EPOR: variants seen among roughly 807,000 people sequenced by gnomAD.
The protein encoded by EPOR is erythropoietin receptor.
EPOR carries 20 observed loss-of-function variants against 34.3 expected under a neutral mutation model. That is an observed-to-expected ratio of 0.58 (90% CI 0.41 to 0.85). EPOR has a LOEUF of 0.85. Among genes scored for constraint, EPOR ranks in the 40% least tolerant of loss-of-function variants. EPOR has a pLI of 0.00. For synonymous variants in EPOR, 312 were observed against 299.0 expected, an observed-to-expected ratio of 1.04 and a Z score of -0.45; for missense variants, 601 against 672.7, an observed-to-expected ratio of 0.89 and a Z score of 1.18.
At position 11,380,983 on chromosome 19, in the gene EPOR, G is replaced by A. The variant is rs1370301071; in HGVS notation, c.740-12C>T. ...GAGGGGGTCCAGGTCTAAGAGGCGG[G>A]GAGGAGGTCAGGGCGGTGGGCTTGC... On this transcript the variant is annotated splice_polypyrimidine_tract_variant and intron_variant, in intron 5 of 7. Coordinates refer to ENST00000222139, the MANE Select transcript of EPOR (RefSeq NM_000121.4). 1.9e-6 allele frequency: 3 copies of A among 1,553,328 alleles called. No homozygotes were observed. Among genetic ancestry groups the A allele is most frequent in the Non-Finnish European group, 8.7e-7 (1 of 1,147,756 alleles).
Position 11,378,860 on chromosome 19 carries a change from G to T in EPOR, c.828-82C>A. ...TCCCCCTCCACTCCCAGTCATAGAG[G>T]CACAGATACACTTGGTCCCTGTGAT... On this transcript the variant is annotated intron_variant, in intron 6 of 7. Transcript: ENST00000222139. The surrounding 1 kb of genome is among the most constrained non-coding windows in gnomAD (Gnocchi z 5.3). 7.4e-7 allele frequency: 1 copy of T among 1,347,162 alleles called. No individual in the cohort carries two copies. The highest frequency in any genetic ancestry group is 1.0e-6 in the Non-Finnish European group (1 of 952,856). The allele number at this position is 1,347,162 out of a possible 1,614,324, so 83.5% of individuals were successfully genotyped here.
Position 11,378,534 on chromosome 19 carries a change from T to A in EPOR, c.977A>T (p.Asp326Val). The A allele has an allele frequency of 6.2e-7, 1 of 1,614,072 alleles. No homozygotes were observed. Among genetic ancestry groups the A allele is most frequent in the South Asian group, 1.1e-5 (1 of 91,070 alleles). ...GAGGACTTCCAGGGAAGCAGGTGGGTCCTCCGTGAAGGGGGTGCAGGGGCT... is the reference window on the plus strand; with the variant it reads ...GAGGACTTCCAGGGAAGCAGGTGGGACCTCCGTGAAGGGGGTGCAGGGGCT... ...WWSPCTPFTE[D>V]PPASLEVLSE... Residue 326 changes from aspartate to valine, a missense_variant, in exon 8 of 8, where the codon GAC becomes GTC. Asp to Val is a radical substitution (Grantham distance 152). Transcript: ENST00000222139. This position sits in a 1 kb window ranked among gnomAD's most constrained non-coding sequence, Gnocchi z 5.3.
intron 6 of EPOR, among the ~76,000 whole-genome samples, chr19:11,379,141 CAT>C (rs1224195175): frequency 6.6e-6 from 1 of 152,042 alleles, no homozygotes; most frequent in Non-Finnish European, 1.5e-5. Context: ...GCCTAGGAAA[CAT>C]AGTGAGACCC....
chr19:11,379,883 T>C (rs570411222), intron 6 of EPOR, among the ~76,000 whole-genome samples: 205 of 152,308 alleles, frequency 1.3e-3, no homozygotes, highest in African/African-American at 4.8e-3. Context: ...GTATTTTTAG[T>C]AGAGGTGGGG....
At position 11,378,752 on chromosome 19, in the gene EPOR, C is replaced by A. The variant is rs756329208; in HGVS notation, c.854G>T (p.Gly285Val). The change falls in exon 7 of 8, where the codon GGC becomes GTC. Residue 285 changes from glycine to valine, a missense_variant. By Grantham distance (109) the Gly-to-Val change is moderately radical. Coordinates refer to ENST00000222139, the MANE Select transcript of EPOR (RefSeq NM_000121.4). The surrounding 1 kb of genome is among the most constrained non-coding windows in gnomAD (Gnocchi z 5.3). ...AAACTCGCTCTCTGGGCTCGGGATG[C>A]CAGGCCAGATCTTCTGCTTCAGAGC... ...RRALKQKIWP[G>V]IPSPESEFEG... The A allele has an allele frequency of 6.2e-7, 1 of 1,614,170 alleles. No homozygotes were observed. Among genetic ancestry groups the A allele is most frequent in the Non-Finnish European group, 8.5e-7 (1 of 1,180,036 alleles).
At position 11,383,226 on chromosome 19, in the gene EPOR, A is replaced by T; in HGVS notation, c.122T>A (p.Leu41Ter). ...PDPKFESKAA[L>*]LAARGPEELL... ...CTCTTCGGGCCCCCGGGCCGCCAGC[A>T]AGGCCGCTGGGGAGGGGCGACAAAG... The change falls in exon 2 of 8, where the codon TTG (leucine) becomes TAG (stop). Residue 41 changes from leucine (L) to a stop codon, truncating the protein, a stop_gained. Transcript: ENST00000222139. LOFTEE classifies it high-confidence loss of function. The surrounding 1 kb of genome is among the most constrained non-coding windows in gnomAD (Gnocchi z 4.9). The T allele has an allele frequency of 6.3e-7, 1 of 1,598,736 alleles. No individual in the cohort carries two copies. The highest frequency in any genetic ancestry group is 8.5e-7 in the Non-Finnish European group (1 of 1,173,914).
chr19:11,378,477 A>G lies in EPOR; in HGVS notation c.1034T>C (p.Val345Ala). 1 of 1,614,132 alleles carries G rather than the reference A, an allele frequency of 6.2e-7. No homozygotes were observed. The highest frequency in any genetic ancestry group is 8.5e-7 in the Non-Finnish European group (1 of 1,180,010). ...GCCCTCATCATCTGTCCCCGGCTCC[A>G]CTGCCTGCATCGTCCCCCAGCAGCG... The part of the protein sequence containing the change: ...SERCWGTMQA[V>A]EPGTDDEGPL... The change falls in exon 8 of 8, where the codon GTG becomes GCG. Residue 345 changes from valine to alanine, a missense_variant. By Grantham distance (64) the Val-to-Ala change is moderately conservative (BLOSUM62 0). Coordinates refer to ENST00000222139, the MANE Select transcript of EPOR (RefSeq NM_000121.4). The surrounding 1 kb of genome is among the most constrained non-coding windows in gnomAD (Gnocchi z 5.3).
In EPOR at chr19:11,384,167, G is replaced by C; in HGVS notation, c.41C>G (p.Ser14Cys). The C allele has an allele frequency of 1.3e-6, 2 of 1,549,708 alleles. No homozygotes were observed. The highest frequency in any genetic ancestry group is 1.7e-6 in the Non-Finnish European group (2 of 1,146,794). Residue 14 changes from serine to cysteine, a missense_variant, in exon 1 of 8, where the codon TCC becomes TGC. Physicochemically the swap from Ser to Cys is moderately radical, Grantham distance 112. Coordinates refer to ENST00000222139, the MANE Select transcript of EPOR (RefSeq NM_000121.4). ...GGCCCCAGCGAGCAGGAGACAAAGG[G>C]AGCCGACCTGGGGCCAGAGGGACGC... ...LGASLWPQVG[S>C]LCLLLAGAAW...
chr19:11,384,145 C>G lies in EPOR; in HGVS notation c.63G>C (p.Gly21=). The G allele has an allele frequency of 6.4e-7, 1 of 1,550,468 alleles. No individual in the cohort carries two copies. Among genetic ancestry groups the G allele is most frequent in the Non-Finnish European group, 8.7e-7 (1 of 1,146,766 alleles). ...GGTTAGGCGGGGGCGCCCAGGCGGC[C>G]CCAGCGAGCAGGAGACAAAGGGAGC... The part of the protein sequence containing the change: ...QVGSLCLLLA[G]AAWAPPPNLP... The change falls in exon 1 of 8, where the codon GGG becomes GGC. Residue 21 remains glycine, a synonymous_variant. Transcript: ENST00000222139.
rs940732883 is a variant in EPOR at position 11,379,393 on chromosome 19, C to A, written c.828-615G>T. On this transcript the variant is annotated intron_variant, in intron 6 of 7. Transcript: ENST00000222139. Reference sequence around the variant, plus strand: ...GGTCAGGAGTTTGAGACCAGCCTGGCCAACATGGTGGAACCCCGTCTCTAC... The same window carrying A: ...GGTCAGGAGTTTGAGACCAGCCTGGACAACATGGTGGAACCCCGTCTCTAC... Among the ~76,000 whole-genome samples the A allele has an allele frequency of 3.9e-5, 6 of 152,116 alleles. No homozygotes were observed. In the East Asian group the frequency reaches 1.2e-3, roughly 30 times the overall value.
At position 11,384,311 on chromosome 19, in the gene EPOR, G is replaced by A; in HGVS notation, c.-104C>T. 2.5e-6 allele frequency: 2 copies of A among 787,134 alleles called. No homozygotes were observed. Among genetic ancestry groups the A allele is most frequent in the Admixed American group, 4.0e-5 (2 of 50,002 alleles). 48.8% of individuals were successfully genotyped at this position (787,134 alleles called of 1,614,324 possible). A position where few individuals can be genotyped will look rare whatever the true frequency, so the allele number is the denominator to read the frequency against. On this transcript the variant is annotated 5_prime_UTR_variant, in exon 1 of 8. Transcript: ENST00000222139. ...GCAGCTGCCTCCGCCGGACGCAGCT[G>A]ACCAGGCCCTTCCCGACCAGGCGCC...
chr19:11,384,179 G>A lies in EPOR; in HGVS notation c.29C>T (p.Pro10Leu), dbSNP rs1462247981. 6.5e-7 allele frequency: 1 copy of A among 1,548,654 alleles called. No individual in the cohort carries two copies. Among genetic ancestry groups the A allele is most frequent in the Admixed American group, 2.0e-5 (1 of 50,976 alleles). Residue 10 changes from proline (P) to leucine (L), a missense_variant, in exon 1 of 8, where the codon CCC becomes CTC. Physicochemically the swap from Pro to Leu is moderately conservative, Grantham distance 98 (BLOSUM62 -3). Transcript: ENST00000222139. ...CAGGAGACAAAGGGAGCCGACCTGG[G>A]GCCAGAGGGACGCCCCGAGGTGGTC... MDHLGASLW[P>L]QVGSLCLLLA...
rs1175953104 is a variant in EPOR, at chr19:11,381,661, T to TTGGGGGCTGGGCCG, written c.585+17_585+30dup. On this transcript the variant is annotated intron_variant, in intron 4 of 7. Transcript: ENST00000222139. This position sits in a 1 kb window ranked among gnomAD's most constrained non-coding sequence, Gnocchi z 5.3. The stretch of plus-strand genomic sequence containing the variant: ...TGGCTGGGCCGTAGTCAGTGGAGCT[T>TTGGGGGCTGGGCCG]TGGGGGCTGGGCCGTAGGGGCTGGC... The TTGGGGGCTGGGCCG allele has an allele frequency of 1.9e-6, 3 of 1,578,696 alleles. No homozygotes were observed. The highest frequency in any genetic ancestry group is 1.7e-6 in the Non-Finnish European group (2 of 1,162,198).
chr19:11,382,836 T>C, intron 2 of EPOR: 1 of 1,470,520 alleles, frequency 6.8e-7, no homozygotes, highest in Non-Finnish European at 9.0e-7. Context: ...CCCGACGTAG[T>C]AACGCCTTAC....
In EPOR at chr19:11,381,345, G is replaced by A. The variant is rs759803220; in HGVS notation, c.586-136C>T. The A allele has an allele frequency of 2.7e-5, 26 of 973,706 alleles. No individual in the cohort carries two copies. The highest frequency in any genetic ancestry group is 2.6e-5 in the Non-Finnish European group (17 of 642,144). The allele number at this position is 973,706 out of a possible 1,614,324, so 60.3% of individuals were successfully genotyped here. The stretch of plus-strand genomic sequence containing the variant: ...TTGCAATGGGACCAATAAGAGTAGG[G>A]GGAGGAGCCCAAGAAAGCTCAGGGC... On this transcript the variant is annotated intron_variant, in intron 4 of 7. Coordinates refer to ENST00000222139, the MANE Select transcript of EPOR (RefSeq NM_000121.4). This position sits in a 1 kb window ranked among gnomAD's most constrained non-coding sequence, Gnocchi z 5.3.
In EPOR at chr19:11,383,318, G is replaced by C; in HGVS notation, c.116-86C>G. 1 of 1,370,936 alleles carries C rather than the reference G, an allele frequency of 7.3e-7. No homozygotes were observed. Among genetic ancestry groups the C allele is most frequent in the Non-Finnish European group, 9.7e-7 (1 of 1,027,304 alleles). The allele number at this position is 1,370,936 out of a possible 1,614,324, so 84.9% of individuals were successfully genotyped here. ...CCCTCCTCTTCCCTCCCGCAGCCTG[G>C]GCGGACCCGATAAGAAAAAAGCCCC... On this transcript the variant is annotated intron_variant, in intron 1 of 7. Coordinates refer to ENST00000222139, the MANE Select transcript of EPOR (RefSeq NM_000121.4). This position sits in a 1 kb window ranked among gnomAD's most constrained non-coding sequence, Gnocchi z 4.9.
At position 11,383,050 on chromosome 19, in the gene EPOR, C is replaced by G; in HGVS notation, c.251+47G>C. ...GCTACGACCTCCAGGGAGCTCTGCC[C>G]CACCCCCTCCCTCCGCCCTTGGAGG... is the stretch of plus-strand genomic sequence containing the variant. On this transcript the variant is annotated intron_variant, in intron 2 of 7. Coordinates refer to ENST00000222139, the MANE Select transcript of EPOR (RefSeq NM_000121.4). This position sits in a 1 kb window ranked among gnomAD's most constrained non-coding sequence, Gnocchi z 4.9. 2 of 1,611,776 alleles carry G rather than the reference C, an allele frequency of 1.2e-6. No individual in the cohort carries two copies. Among genetic ancestry groups the G allele is most frequent in the Non-Finnish European group, 1.7e-6 (2 of 1,179,680 alleles).
At position 11,380,952 on chromosome 19, in the gene EPOR, C is replaced by G. The variant is rs2144696868; in HGVS notation, c.759G>C (p.Leu253=). The change falls in exon 6 of 8, where the codon CTG becomes CTC. Residue 253 remains leucine (L), a synonymous_variant. Transcript: ENST00000222139. ...TGACCACGAGGATGAGGGAGAGCGT[C>G]AGGATGAGGGGGTCCAGGTCTAAGA... ...LTPSDLDPLI[L]TLSLILVVIL... The G allele has an allele frequency of 1.9e-6, 3 of 1,552,526 alleles. No homozygotes were observed. The South Asian group carries it at 3.6e-5, about 18-fold the overall frequency.
In EPOR at chr19:11,378,438, G is replaced by A; in HGVS notation, c.1073C>T (p.Pro358Leu). The change falls in exon 8 of 8, where the codon CCA becomes CTA. Residue 358 changes from proline to leucine, a missense_variant. Coordinates refer to ENST00000222139, the MANE Select transcript of EPOR (RefSeq NM_000121.4). This position sits in a 1 kb window ranked among gnomAD's most constrained non-coding sequence, Gnocchi z 5.3. Reference sequence around the variant, plus strand: ...ATCCTGGGCATGCTCACTGCCCACTGGCTCCAGCAGGGGGCCCTCATCATC... The same window carrying A: ...ATCCTGGGCATGCTCACTGCCCACTAGCTCCAGCAGGGGGCCCTCATCATC... Reference protein sequence around the residue: ...GTDDEGPLLEPVGSEHAQDTY... With the variant: ...GTDDEGPLLELVGSEHAQDTY... 1.2e-6 allele frequency: 2 copies of A among 1,614,140 alleles called. No homozygotes were observed. Among genetic ancestry groups the A allele is most frequent in the Non-Finnish European group, 1.7e-6 (2 of 1,180,014 alleles).
Sources: gnomAD v4.1 joint callset for allele counts (sites outside exome capture counted in the v4.1 genomes callset) on GRCh38, gnomAD v4.1.1 for gene constraint, Gnocchi (gnomAD v3.1) non-coding constraint, MANE v1.5 for transcripts, NCBI Gene and HGNC (gene_info 2026-07-23, HGNC 2026-07-21) for gene names.